Variants in ZFAT observed in about 807,000 individuals in gnomAD.
ZFAT encodes zinc finger and AT-hook domain containing, also known as zinc finger protein ZFAT.
Under a neutral mutation model 117.7 loss-of-function variants are expected in ZFAT, and 64 were observed. The observed-to-expected ratio is 0.54, with a 90% CI of 0.44 to 0.67. The LOEUF (loss-of-function observed/expected upper bound fraction) is 0.67. Ranked by LOEUF, ZFAT falls within the 30% of genes least tolerant of loss-of-function variation. The pLI is 0.00. For synonymous variants in ZFAT, 679 were observed against 615.0 expected (o/e 1.10, Z -1.54); for missense variants, 1,433 against 1,584.5 (o/e 0.90, Z 1.62).
intron 1 of ZFAT, 146 bp downstream of exon 1, chr8:134,712,699 C>G (rs111868140): frequency 3.1e-6 from 2 of 650,804 alleles, no homozygotes; most frequent in Non-Finnish European, 4.8e-6. Flanking sequence ...TCGCTCTCCT[C>G]CCCAGACCCG....
chr8:134,655,149 AGGGGCAT>A (rs1364624235), intron 2 of ZFAT, among the ~76,000 whole-genome samples: 2 of 151,828 alleles, frequency 1.3e-5, no homozygotes, highest in Non-Finnish European at 2.9e-5. Flanking sequence ...GAGGGAGGAG[AGGGGCAT>A]GGGGGACGGT....
the ZFAT span, among the ~76,000 whole-genome samples, chr8:134,816,376 C>T: frequency 1.3e-5 from 2 of 151,574 alleles, no homozygotes; most frequent in African/African-American, 2.4e-5. Context: ...TATTTAAGGA[C>T]TGTTACAATC....
intron 13 of ZFAT, among the ~76,000 whole-genome samples, chr8:134,514,750 G>A (rs770937497): frequency 6.6e-6 from 1 of 152,066 alleles, no homozygotes; most frequent in Non-Finnish European, 1.5e-5. Context: ...CAGAGAGACG[G>A]GTCTAATAAA....
the ZFAT span, among the ~76,000 whole-genome samples, chr8:134,799,040 G>A: frequency 6.6e-6 from 1 of 152,032 alleles, no homozygotes; most frequent in African/African-American, 2.4e-5. Flanking sequence ...AACATGTGGA[G>A]CTCACTAAAA....
At chr8:134,744,175 C>A in the ZFAT span, among the ~76,000 whole-genome samples, 1 of 152,178 alleles carries the variant, frequency 6.6e-6, no homozygotes, top group South Asian at 2.1e-4. Flanking sequence ...GGTCTTCTTC[C>A]AAGCTCACTG....
intron 1 of ZFAT, among the ~76,000 whole-genome samples, chr8:134,707,618 T>C (rs1372893928): frequency 6.6e-6 from 1 of 152,082 alleles, no homozygotes; most frequent in Non-Finnish European, 1.5e-5. Context: ...CACCCCAAGC[T>C]CTCCTGGTCC....
the ZFAT span, among the ~76,000 whole-genome samples, chr8:134,770,672 C>A: frequency 6.6e-6 from 1 of 152,160 alleles, no homozygotes; most frequent in Non-Finnish European, 1.5e-5. Context: ...AAACTCTGAC[C>A]GCCGGTGAGC....
chr8:134,685,061 C>T (rs1171343208), intron 1 of ZFAT, among the ~76,000 whole-genome samples: 1 of 151,498 alleles, frequency 6.6e-6, no homozygotes, highest in East Asian at 2.0e-4. Context: ...GAGGTGTTTA[C>T]GCTGCCTCCT....
At chr8:134,482,875 G>C (rs190821634) in intron 15 of ZFAT, among the ~76,000 whole-genome samples, 13 of 152,344 alleles carry the variant, frequency 8.5e-5, no homozygotes, top group Non-Finnish European at 1.5e-4. Context: ...TCCAAGACAC[G>C]CAGGGTTCCT....
chr8:134,525,416 T>TGC (rs1316767672), intron 12 of ZFAT, among the ~76,000 whole-genome samples: 2 of 152,188 alleles, frequency 1.3e-5, no homozygotes, highest in Non-Finnish European at 2.9e-5. Flanking sequence ...GCTGCTATGT[T>TGC]TATGTATTGC....
intron 1 of ZFAT, 109 bp downstream of exon 1, chr8:134,712,736 G>A (rs1475229555): frequency 3.0e-5 from 33 of 1,102,988 alleles, no homozygotes; most frequent in South Asian, 3.7e-5. Context: ...GCGGCCGGCG[G>A]CCGGCGGCCG....
intron 8 of ZFAT, among the ~76,000 whole-genome samples, chr8:134,590,019 G>A (rs1826346398): frequency 6.6e-6 from 1 of 152,178 alleles, no homozygotes; most frequent in Admixed American, 6.5e-5. Context: ...CCCATTAAAA[G>A]GGGCAGAGGG....
At chr8:134,773,093 C>CAAAAAAAAAAAAAAAAAAAAAAAAAAT in the ZFAT span, among the ~76,000 whole-genome samples, 1 of 104,092 alleles carries the variant, frequency 9.6e-6, no homozygotes, top group Admixed American at 1.0e-4. Flanking sequence ...AATCCCAATT[C>CAAAAAAAAAAAAAAAAAAAAAAAAAAT]AAAAAAAAAA....
At chr8:134,766,606 A>G in the ZFAT span, 6 of 152,142 alleles carry the variant, frequency 3.9e-5, no homozygotes, top group Non-Finnish European at 7.4e-5. Context: ...CATCTACTGT[A>G]CTCTACACAC....
the ZFAT span, among the ~76,000 whole-genome samples, chr8:134,824,945 A>G: frequency 2.0e-5 from 3 of 152,322 alleles, no homozygotes; most frequent in African/African-American, 7.2e-5. Context: ...TGTAACTGGC[A>G]TAAGTGTAAT....
chr8:134,511,293 T>C (rs1456382680), intron 14 of ZFAT, among the ~76,000 whole-genome samples: 1 of 152,094 alleles, frequency 6.6e-6, no homozygotes, highest in Non-Finnish European at 1.5e-5. Flanking sequence ...ACAGACAGGC[T>C]GCATCTTGTA....
chr8:134,630,067 C>T (rs1829782538), intron 3 of ZFAT, among the ~76,000 whole-genome samples: 1 of 152,194 alleles, frequency 6.6e-6, no homozygotes, highest in African/African-American at 2.4e-5. Context: ...CAGGGTAGCT[C>T]TGCTATCAGG....
intron 3 of ZFAT, among the ~76,000 whole-genome samples, chr8:134,613,641 C>T (rs1051070066): frequency 1.7e-4 from 26 of 152,292 alleles, no homozygotes; most frequent in African/African-American, 6.0e-4. Context: ...TGTGATGCCA[C>T]CTCCCACTCC....
chr8:134,587,624 G>C (rs145498511), intron 9 of ZFAT, among the ~76,000 whole-genome samples: 1 of 152,250 alleles, frequency 6.6e-6, no homozygotes, highest in East Asian at 1.9e-4. Flanking sequence ...TATCCAGGGG[G>C]AGAAAACAAA....
Sources: gnomAD v4.1 joint callset for allele counts (sites outside exome capture counted in the v4.1 genomes callset) on GRCh38, gnomAD v4.1.1 for gene constraint, MANE v1.5 for transcripts, NCBI Gene and HGNC (gene_info 2026-07-23, HGNC 2026-07-21) for gene names.